RNF2: variants seen among roughly 807,000 people sequenced by gnomAD.
RNF2 encodes E3 ubiquitin-protein ligase RING2.
A neutral mutation model predicts 37.2 loss-of-function variants in RNF2; 6 were observed. The observed-to-expected ratio is 0.16, with a 90% CI of 0.09 to 0.32. RNF2 has a LOEUF of 0.32. RNF2 is among the 10% of genes least tolerant of loss of function. RNF2 has a pLI of 1.00. For synonymous variants in RNF2, 133 were observed against 132.7 expected (o/e 1.00, Z -0.02); for missense variants, 251 against 404.0 (o/e 0.62, Z 3.25).
At chr1:185,055,482 G>C (rs1650405404) in intron 1 of RNF2, among the ~76,000 whole-genome samples, 1 of 152,148 alleles carries the variant, frequency 6.6e-6, no homozygotes, top group African/African-American at 2.4e-5. Flanking sequence ...GTGCAGTGGT[G>C]CTATCTCAGC....
At chr1:185,063,749 A>G (rs1650682122) in intron 1 of RNF2, among the ~76,000 whole-genome samples, 4 of 151,898 alleles carry the variant, frequency 2.6e-5, no homozygotes, top group African/African-American at 9.7e-5. Context: ...ATTTTCTTTC[A>G]TTTTCTAACT....
chr1:185,094,439 C>T (rs998466165), intron 4 of RNF2, among the ~76,000 whole-genome samples: 2 of 152,160 alleles, frequency 1.3e-5, no homozygotes, highest in African/African-American at 2.4e-5. Flanking sequence ...CCACACCTGG[C>T]CTTGGAGTCG....
chr1:185,076,268 G>GCT (rs1553240995), intron 1 of RNF2, among the ~76,000 whole-genome samples: 2 of 27,334 alleles, frequency 7.3e-5, no homozygotes, highest in African/African-American at 1.3e-4. Context: ...TTTATGGGTT[G>GCT]TTTTTTTTTT....
intron 1 of RNF2, among the ~76,000 whole-genome samples, chr1:185,045,879 G>C (rs1183465377): frequency 6.6e-6 from 1 of 152,178 alleles, no homozygotes; most frequent in Non-Finnish European, 1.5e-5. Flanking sequence ...TCGTGGGAGG[G>C]AAGGGAGCTG....
chr1:185,076,454 C>T (rs2102179762), intron 1 of RNF2, among the ~76,000 whole-genome samples: 1 of 150,724 alleles, frequency 6.6e-6, no homozygotes, highest in Middle Eastern at 3.5e-3. Flanking sequence ...CCATGCCTGG[C>T]TAATTTTTTG....
chr1:185,088,935 A>G (rs997121840), intron 2 of RNF2, among the ~76,000 whole-genome samples: 2 of 152,140 alleles, frequency 1.3e-5, no homozygotes, highest in Admixed American at 6.5e-5. Context: ...TGTTGAATCC[A>G]TGCAAATGAG....
intron 1 of RNF2, among the ~76,000 whole-genome samples, chr1:185,081,122 A>C (rs995449820): frequency 2.0e-5 from 3 of 152,326 alleles, no homozygotes; most frequent in African/African-American, 7.2e-5. Flanking sequence ...TAAATAATCA[A>C]AACTAGGCTC....
At chr1:185,078,462 T>C (rs1373773604) in intron 1 of RNF2, among the ~76,000 whole-genome samples, 1 of 152,220 alleles carries the variant, frequency 6.6e-6, no homozygotes, top group Non-Finnish European at 1.5e-5. Context: ...TGAAAGTTAT[T>C]CCTTGGTTTC....
chr1:185,060,272 CAGATAACTGAT>C (rs1434318360), intron 1 of RNF2, among the ~76,000 whole-genome samples: 2 of 152,142 alleles, frequency 1.3e-5, no homozygotes, highest in Non-Finnish European at 2.9e-5. Context: ...CACAAAGATA[CAGATAACTGAT>C]CTGTATCATT....
At chr1:185,069,976 G>C (rs1650919374) in intron 1 of RNF2, among the ~76,000 whole-genome samples, 1 of 152,120 alleles carries the variant, frequency 6.6e-6, no homozygotes, top group African/African-American at 2.4e-5. Context: ...ATTAACCAAA[G>C]ATTTTAGTAC....
chr1:185,050,257 C>A, intron 1 of RNF2, among the ~76,000 whole-genome samples: 1 of 152,202 alleles, frequency 6.6e-6, no homozygotes, highest in East Asian at 1.9e-4. Flanking sequence ...GTGTAAGTGG[C>A]AATGACAAAC....
rs554201505 is a variant in RNF2, at chr1:185,053,995, T to C, written c.-3+8346T>C. Among the ~76,000 whole-genome samples, 4 of 151,404 alleles carry C rather than the reference T, an allele frequency of 2.6e-5. No individual in the cohort carries two copies. In the East Asian group the frequency reaches 5.8e-4, roughly 22 times the overall value. On this transcript the variant is annotated intron_variant, in intron 1 of 6. Transcript: ENST00000367510. Reference sequence around the variant, plus strand: ...TAACCAGTTTCCTGTTAATCTACATTCCCCCCCCACCCAGTGTTTCTCTAG... The same window carrying C: ...TAACCAGTTTCCTGTTAATCTACATCCCCCCCCCACCCAGTGTTTCTCTAG...
chr1:185,078,552 G>C (rs561927410), intron 1 of RNF2, among the ~76,000 whole-genome samples: 1 of 152,262 alleles, frequency 6.6e-6, no homozygotes, highest in South Asian at 2.1e-4. Context: ...TTAGTAAGCA[G>C]TAATTCTTTC....
Position 185,098,117 on chromosome 1 carries a change from A to C in RNF2, c.510A>C (p.Ala170=), listed in dbSNP as rs755384125. The change falls in exon 5 of 7, where the codon GCA becomes GCC. Residue 170 remains alanine (A), a synonymous_variant. Transcript: ENST00000367510. ...AACAGATTGAAAATGGTAGTGGAGCAGAAGATAATGGTGACAGTTCACACT... is the reference window on the plus strand; with the variant it reads ...AACAGATTGAAAATGGTAGTGGAGCCGAAGATAATGGTGACAGTTCACACT... ...KKQQIENGSG[A]EDNGDSSHCS... 1 of 1,614,222 alleles carries C rather than the reference A, an allele frequency of 6.2e-7. No individual in the cohort carries two copies. Among genetic ancestry groups the C allele is most frequent in the Admixed American group, 1.7e-5 (1 of 60,038 alleles).
chr1:185,082,858 C>T (rs778915119), intron 1 of RNF2, among the ~76,000 whole-genome samples: 1 of 152,036 alleles, frequency 6.6e-6, no homozygotes, highest in Non-Finnish European at 1.5e-5. Context: ...AGTAACAAGT[C>T]GTTAGCAAAA....
At chr1:185,097,706 T>G (rs1651951482) in intron 4 of RNF2, among the ~76,000 whole-genome samples, 1 of 152,090 alleles carries the variant, frequency 6.6e-6, no homozygotes, top group Non-Finnish European at 1.5e-5. Context: ...TAATTAAAAT[T>G]TTTTGTTGTT....
Position 185,101,972 on chromosome 1 carries a change from A to G in RNF2, c.*1671A>G, listed in dbSNP as rs1248051941. ...GATTATTAATGCATGCCCACTGAAT[A>G]TAACCCTGGTTTTGTGATAAAACTG... On this transcript the variant is annotated 3_prime_UTR_variant, in exon 7 of 7. Transcript: ENST00000367510. 1 of 152,324 alleles carries G rather than the reference A, an allele frequency of 6.6e-6. No homozygotes were observed. The highest frequency in any genetic ancestry group is 2.4e-5 in the African/African-American group (1 of 41,344). The allele number at this position is 152,324 out of a possible 1,614,324, so 9.4% of individuals were successfully genotyped here. A position where few individuals can be genotyped will look rare whatever the true frequency, so the allele number is the denominator to read the frequency against.
chr1:185,062,839 C>G (rs1650653277), intron 1 of RNF2, among the ~76,000 whole-genome samples: 1 of 149,630 alleles, frequency 6.7e-6, no homozygotes, highest in African/African-American at 2.5e-5. Flanking sequence ...GCCAATAAAG[C>G]TGTGAAAAGA....
intron 1 of RNF2, among the ~76,000 whole-genome samples, chr1:185,065,503 C>A (rs1176542870): frequency 6.6e-6 from 1 of 152,166 alleles, no homozygotes; most frequent in African/African-American, 2.4e-5. Flanking sequence ...CACTCACCAT[C>A]AGGGTCTGCA....
Sources: gnomAD v4.1 joint callset for allele counts (sites outside exome capture counted in the v4.1 genomes callset) on GRCh38, gnomAD v4.1.1 for gene constraint, MANE v1.5 for transcripts, NCBI Gene and HGNC (gene_info 2026-07-23, HGNC 2026-07-21) for gene names.